Variants in RBFOX1 observed in about 807,000 individuals in gnomAD.
RBFOX1 encodes RNA binding protein fox-1 homolog 1.
In RBFOX1, 8 loss-of-function variants were observed where a neutral mutation model predicts 57.7. The observed-to-expected ratio is 0.14, with a 90% CI of 0.08 to 0.25. The LOEUF (loss-of-function observed/expected upper bound fraction) is 0.25, where lower values mean the gene tolerates loss of function less well. RBFOX1 is among the 10% of genes least tolerant of loss of function. The pLI, the probability that RBFOX1 is intolerant of heterozygous loss-of-function variation, is 1.00. For synonymous variants in RBFOX1, 326 were observed against 222.4 expected (o/e 1.47, Z -4.15); for missense variants, 611 against 548.5 (o/e 1.11, Z -1.14).
At chr16:5,894,631 C>T (rs2058118172) in intron 4 of RBFOX1, among the ~76,000 whole-genome samples, 1 of 152,046 alleles carries the variant, frequency 6.6e-6, no homozygotes, top group Admixed American at 6.6e-5. Context: ...ACATCAGAGC[C>T]CTGAGTTTCC....
chr16:7,008,302 G>A (rs1331467768), intron 3 of RBFOX1, among the ~76,000 whole-genome samples: 1 of 152,128 alleles, frequency 6.6e-6, no homozygotes, highest in Non-Finnish European at 1.5e-5. Context: ...AGCACTTTGG[G>A]AGACTGAGGC....
intron 4 of RBFOX1, among the ~76,000 whole-genome samples, chr16:7,080,736 G>A (rs2153796198): frequency 6.6e-6 from 1 of 152,270 alleles, no homozygotes; most frequent in East Asian, 1.9e-4. Flanking sequence ...ACATTGAATA[G>A]TTCAACCCTC....
chr16:7,607,816 A>C (rs778561876), intron 10 of RBFOX1, among the ~76,000 whole-genome samples: 1 of 152,194 alleles, frequency 6.6e-6, no homozygotes, highest in Non-Finnish European at 1.5e-5. Context: ...CGATAACTAA[A>C]AAGTTGTCCG....
chr16:6,798,401 A>G (rs1459352604), intron 3 of RBFOX1, among the ~76,000 whole-genome samples: 1 of 152,244 alleles, frequency 6.6e-6, no homozygotes, highest in South Asian at 2.1e-4. Flanking sequence ...AGTAGAGGCT[A>G]TCACCAGGTG....
chr16:6,784,716 C>A lies in RBFOX1; in HGVS notation c.-16+130066C>A, dbSNP rs111909491. On this transcript the variant is annotated intron_variant, in intron 3 of 15. Transcript: ENST00000550418. ...CTGATTTTTTTTTTTTATAAAGGTG[C>A]TTTATTGTGTGGATAGTTGTTCAAT... Among the ~76,000 whole-genome samples the A allele has an allele frequency of 1.5e-3, 231 of 150,992 alleles. 3 individuals carry two copies. The highest frequency in any genetic ancestry group is 5.4e-3 in the African/African-American group (223 of 41,052).
At chr16:7,531,575 G>T (rs867299027) in intron 5 of RBFOX1, among the ~76,000 whole-genome samples, 1 of 152,136 alleles carries the variant, frequency 6.6e-6, no homozygotes, top group Non-Finnish European at 1.5e-5. Context: ...AGTCCATGCT[G>T]GGGTCTTCCA....
At chr16:6,296,356 G>T (rs1035828496) in intron 1 of RBFOX1, among the ~76,000 whole-genome samples, 6 of 151,982 alleles carry the variant, frequency 3.9e-5, no homozygotes, top group Non-Finnish European at 7.4e-5. Flanking sequence ...ATACTTATCT[G>T]GAAAATGGGT....
At chr16:6,763,825 G>A (rs918388788) in intron 3 of RBFOX1, among the ~76,000 whole-genome samples, 3 of 152,164 alleles carry the variant, frequency 2.0e-5, no homozygotes, top group Admixed American at 6.5e-5. Context: ...ATGGTCTTTT[G>A]TTGTAACTTT....
intron 3 of RBFOX1, among the ~76,000 whole-genome samples, chr16:6,847,313 C>T (rs1261581673): frequency 1.3e-5 from 2 of 152,146 alleles, no homozygotes; most frequent in Non-Finnish European, 2.9e-5. Flanking sequence ...AGCTCTGCTT[C>T]ATGCTATGGG....
intron 3 of RBFOX1, among the ~76,000 whole-genome samples, chr16:6,698,244 A>C (rs971644469): frequency 2.0e-5 from 3 of 152,226 alleles, no homozygotes; most frequent in African/African-American, 7.2e-5. Context: ...GTAAAATAAT[A>C]CAGCATTAAG....
At chr16:6,638,789 G>T (rs939899752) in intron 2 of RBFOX1, among the ~76,000 whole-genome samples, 1 of 152,156 alleles carries the variant, frequency 6.6e-6, no homozygotes, top group Non-Finnish European at 1.5e-5. Context: ...GGTTGGTGCA[G>T]GTGTTTGGGT....
intron 4 of RBFOX1, among the ~76,000 whole-genome samples, chr16:7,251,212 C>G (rs999274562): frequency 2.6e-5 from 4 of 152,130 alleles, no homozygotes; most frequent in African/African-American, 9.7e-5. Context: ...CTTCTATTCC[C>G]TACTTCTATG....
intron 5 of RBFOX1, among the ~76,000 whole-genome samples, chr16:7,528,631 C>A (rs1042524516): frequency 2.6e-5 from 4 of 152,062 alleles, no homozygotes; most frequent in African/African-American, 7.2e-5. Flanking sequence ...CTCAGTACTG[C>A]CTCCTGAGTA....
At chr16:6,880,178 A>G (rs543464608) in intron 3 of RBFOX1, among the ~76,000 whole-genome samples, 1 of 151,860 alleles carries the variant, frequency 6.6e-6, no homozygotes, top group East Asian at 1.9e-4. Context: ...TTCCACCTCA[A>G]TCTGTGTACT....
intron 4 of RBFOX1, among the ~76,000 whole-genome samples, chr16:7,362,434 G>A (rs1017013933): frequency 1.3e-5 from 2 of 151,558 alleles, no homozygotes; most frequent in African/African-American, 4.9e-5. Context: ...GTTAGTGTGT[G>A]TTCTGCGTGT....
chr16:6,977,216 TATC>T lies in RBFOX1; in HGVS notation c.-15-74838_-15-74836del, dbSNP rs201844034. 8.4e-3 allele frequency among the ~76,000 whole-genome samples: 1,196 copies of T among 142,560 alleles called. 17 individuals carry two copies. Among genetic ancestry groups the T allele is most frequent in the African/African-American group, 0.03 (1,125 of 37,986 alleles). 93.5% of individuals were successfully genotyped at this position (142,560 alleles called of 152,430 possible). On this transcript the variant is annotated intron_variant, in intron 3 of 15. Transcript: ENST00000550418. ...CATATATATGTTTTATCATATATAT[TATC>T]ATATAATCATATATGATTTAAAAAG...
chr16:6,625,125 A>G (rs2098284950), intron 2 of RBFOX1, among the ~76,000 whole-genome samples: 1 of 125,474 alleles, frequency 8.0e-6, no homozygotes, highest in African/African-American at 3.0e-5. Context: ...AGATCGTGCC[A>G]TTGCACTCCA....
At chr16:6,138,680 A>G (rs1013154455) in intron 1 of RBFOX1, among the ~76,000 whole-genome samples, 1 of 152,144 alleles carries the variant, frequency 6.6e-6, no homozygotes, top group African/African-American at 2.4e-5. Context: ...ATCCTGGCTA[A>G]CATGGTGAAA....
At chr16:6,719,514 C>T (rs1042499338) in intron 3 of RBFOX1, among the ~76,000 whole-genome samples, 15 of 151,520 alleles carry the variant, frequency 9.9e-5, no homozygotes, top group Middle Eastern at 3.4e-3. Flanking sequence ...GATCTTGGCT[C>T]ACTGTTAGCT....
Sources: allele counts gnomAD v4.1 joint callset (sites outside exome capture counted in the v4.1 genomes callset), GRCh38; gene constraint gnomAD v4.1.1; transcripts MANE v1.5; gene names NCBI Gene and HGNC (gene_info 2026-07-23, HGNC 2026-07-21).